The following P3H2 variants were observed in gnomAD, a reference collection of about 807,000 sequenced individuals.
The protein encoded by P3H2 is leprecan-like 1.
P3H2 carries 80 observed loss-of-function variants against 87.0 expected under a neutral mutation model. The observed-to-expected ratio is 0.92, with a 90% CI of 0.77 to 1.11. The LOEUF (loss-of-function observed/expected upper bound fraction) is 1.11. P3H2 is among the 50% of genes least tolerant of loss of function. P3H2 has a pLI of 0.00. For synonymous variants in P3H2, 367 were observed against 359.3 expected (o/e 1.02, Z -0.24); for missense variants, 1,001 against 923.9 (o/e 1.08, Z -1.08).
At position 190,120,723 on chromosome 3, in the gene P3H2, C is replaced by T. The variant is rs776593373; in HGVS notation, c.9G>A (p.Glu3=). The T allele has an allele frequency of 5.3e-6, 8 of 1,520,472 alleles. No individual in the cohort carries two copies. The South Asian group carries it at 8.5e-5, about 16-fold the overall frequency. The allele number at this position is 1,520,472 out of a possible 1,614,324, so 94.2% of individuals were successfully genotyped here. A position where few individuals can be genotyped will look rare whatever the true frequency, so the allele number is the denominator to read the frequency against. Residue 3 remains glutamate (E), a synonymous_variant, in exon 1 of 15, where the codon GAG becomes GAA. Coordinates refer to ENST00000319332, the MANE Select transcript of P3H2 (RefSeq NM_018192.4). ...GCAGCAGCGGCGGCGCCCAGATGCGCTCCCGCATCCTCCGCCTCAGAGAGG... is the reference window on the plus strand; with the variant it reads ...GCAGCAGCGGCGGCGCCCAGATGCGTTCCCGCATCCTCCGCCTCAGAGAGG... MR[E]RIWAPPLLLL... is the part of the protein sequence containing the mutation.
intron 1 of P3H2, among the ~76,000 whole-genome samples, chr3:189,997,968 T>C (rs559989645): frequency 1.2e-3 from 187 of 152,282 alleles, no homozygotes; most frequent in African/African-American, 4.3e-3. Flanking sequence ...TAATTTTCCC[T>C]AAAGAAAAAA....
At chr3:190,120,934 C>T (rs1444321911), upstream of P3H2, 3 of 713,946 alleles carry the variant, frequency 4.2e-6, no homozygotes, top group Non-Finnish European at 6.3e-6. Context: ...TAAAGGGACG[C>T]CCACAGCTCA....
At chr3:190,028,460 C>T (rs1384483454) in intron 1 of P3H2, among the ~76,000 whole-genome samples, 1 of 152,182 alleles carries the variant, frequency 6.6e-6, no homozygotes, top group Admixed American at 6.5e-5. Flanking sequence ...CTGACATCCT[C>T]CATCTTTTCT....
Position 189,973,906 on chromosome 3 carries a change from T to G in P3H2, c.1548+3A>C, listed in dbSNP as rs1467099137. On this transcript the variant is annotated splice_donor_region_variant and intron_variant, in intron 10 of 14. Coordinates refer to ENST00000319332, the MANE Select transcript of P3H2 (RefSeq NM_018192.4). Reference sequence around the variant, plus strand: ...TCAAACCCAAAAGAAGTTAAGACTTTACTTTGAGTGCTTTCAGGACAGTTG... The same window carrying G: ...TCAAACCCAAAAGAAGTTAAGACTTGACTTTGAGTGCTTTCAGGACAGTTG... 6.2e-7 allele frequency: 1 copy of G among 1,609,628 alleles called. No homozygotes were observed. Among genetic ancestry groups the G allele is most frequent in the Non-Finnish European group, 8.5e-7 (1 of 1,175,832 alleles).
intron 1 of P3H2, among the ~76,000 whole-genome samples, chr3:190,118,555 G>A (rs1394124706): frequency 2.0e-5 from 3 of 151,628 alleles, no homozygotes; most frequent in Admixed American, 2.0e-4. Flanking sequence ...CAAGCAAGCA[G>A]AAGACAAGTC....
intron 1 of P3H2, among the ~76,000 whole-genome samples, chr3:190,005,143 A>C (rs745314622): frequency 6.6e-6 from 1 of 152,230 alleles, no homozygotes; most frequent in Non-Finnish European, 1.5e-5. Flanking sequence ...AAATAGCTTA[A>C]TGCAAGCCTG....
intron 1 of P3H2, among the ~76,000 whole-genome samples, chr3:190,095,849 A>ACCTG (rs1727566879): frequency 6.6e-6 from 1 of 151,926 alleles, no homozygotes; most frequent in Non-Finnish European, 1.5e-5. Flanking sequence ...TGATTCGCCC[A>ACCTG]CCTCGGCCTC....
chr3:190,068,315 C>G (rs73053184), intron 1 of P3H2, among the ~76,000 whole-genome samples: 25,603 of 151,950 alleles, frequency 0.17, 3,246 homozygotes, highest in African/African-American at 0.36. Context: ...TGAAAAGAAG[C>G]CTGGGAAATC....
intron 1 of P3H2, among the ~76,000 whole-genome samples, chr3:190,027,737 ATAT>A (rs948997693): frequency 2.0e-5 from 3 of 151,844 alleles, no homozygotes; most frequent in Non-Finnish European, 4.4e-5. Context: ...GATTCATAAA[ATAT>A]TATTTTCTAT....
intron 8 of P3H2, among the ~76,000 whole-genome samples, chr3:189,979,055 G>C (rs766725162): frequency 6.6e-6 from 1 of 152,048 alleles, no homozygotes; most frequent in Non-Finnish European, 1.5e-5. Context: ...TCAGAAATTC[G>C]ATAGTGTCAT....
intron 1 of P3H2, among the ~76,000 whole-genome samples, chr3:190,007,636 C>A (rs1006995874): frequency 2.0e-5 from 3 of 151,668 alleles, no homozygotes; most frequent in African/African-American, 7.3e-5. Context: ...GTTAGAGCAA[C>A]CAAGAAGGAC....
At chr3:190,057,436 T>A (rs1726193889) in intron 1 of P3H2, among the ~76,000 whole-genome samples, 1 of 152,164 alleles carries the variant, frequency 6.6e-6, no homozygotes, top group Non-Finnish European at 1.5e-5. Flanking sequence ...CCTAATCATG[T>A]CTGGAATGAA....
At chr3:189,958,072 C>G in intron 14 of P3H2, 68 bp from the exon 15 acceptor site, 1 of 1,120,356 alleles carries the variant, frequency 8.9e-7, no homozygotes, top group East Asian at 2.3e-5. Context: ...CAGACGCTTC[C>G]CAAACACTTC....
rs1723224355 is a variant in P3H2 at position 189,973,033 on chromosome 3, A to AT, written c.1549-10_1549-9insA. 2 of 1,602,970 alleles carry AT rather than the reference A, an allele frequency of 1.2e-6. No homozygotes were observed. ...CGACCTTCATAACCAGACTGAAAAA[A>AT]AAAAACAAAACATGAGAAACAAATG... On this transcript the variant is annotated splice_polypyrimidine_tract_variant and intron_variant, in intron 10 of 14. Transcript: ENST00000319332.
At position 189,995,276 on chromosome 3, in the gene P3H2, C is replaced by T; in HGVS notation, c.633+14G>A. The T allele has an allele frequency of 1.9e-6, 3 of 1,613,604 alleles. No homozygotes were observed. The South Asian group carries it at 3.3e-5, about 18-fold the overall frequency. ...TAGCTCCCTGTGGTGAGGGCAGGGG[C>T]CCACAGAGCTTACCATGTGTGGCTT... On this transcript the variant is annotated intron_variant, in intron 2 of 14. Transcript: ENST00000319332.
At chr3:190,068,007 A>C (rs924601205) in intron 1 of P3H2, among the ~76,000 whole-genome samples, 7 of 152,120 alleles carry the variant, frequency 4.6e-5, no homozygotes, top group Non-Finnish European at 7.4e-5. Flanking sequence ...TCATATGATA[A>C]CAATAAAATA....
At chr3:190,105,936 CA>C (rs753154677) in intron 1 of P3H2, among the ~76,000 whole-genome samples, 2 of 152,172 alleles carry the variant, frequency 1.3e-5, no homozygotes, top group Non-Finnish European at 2.9e-5. Context: ...GCTACTCTCC[CA>C]TTTACCTGAC....
intron 1 of P3H2, among the ~76,000 whole-genome samples, chr3:189,996,864 C>T (rs560685405): frequency 4.6e-5 from 7 of 152,208 alleles, no homozygotes; most frequent in African/African-American, 1.4e-4. Context: ...ATATTTGATT[C>T]CAAACTTACA....
intron 1 of P3H2, among the ~76,000 whole-genome samples, chr3:190,025,891 T>G (rs1450132956): frequency 6.6e-6 from 1 of 152,176 alleles, no homozygotes; most frequent in Non-Finnish European, 1.5e-5. Flanking sequence ...GAAAAGCTAA[T>G]TTTAGAAATT....
Sources: allele counts gnomAD v4.1 joint callset (sites outside exome capture counted in the v4.1 genomes callset), GRCh38; gene constraint gnomAD v4.1.1; transcripts MANE v1.5; gene names NCBI Gene and HGNC (gene_info 2026-07-23, HGNC 2026-07-21).